The following SERPINB2 variants were observed in gnomAD, a reference collection of about 807,000 sequenced individuals.
SERPINB2 encodes serpin family B member 2.
Under a neutral mutation model 39.4 loss-of-function variants are expected in SERPINB2, and 28 were observed. The observed-to-expected ratio is 0.71, with a 90% CI of 0.53 to 0.97. The LOEUF (loss-of-function observed/expected upper bound fraction) is 0.97, where lower values mean the gene tolerates loss of function less well. Ranked by LOEUF, SERPINB2 falls within the 50% of genes least tolerant of loss-of-function variation. The probability of loss-of-function intolerance (pLI) is 0.00; values close to 1 mark genes in which losing one functional copy is unlikely to be tolerated. For synonymous variants in SERPINB2, 209 were observed against 175.1 expected, an observed-to-expected ratio of 1.19 and a Z score of -1.53; for missense variants, 557 against 505.3, an observed-to-expected ratio of 1.10 and a Z score of -0.98.
At position 63,901,729 on chromosome 18, in the gene SERPINB2, G is replaced by C; in HGVS notation, c.536-11G>C. 1.3e-6 allele frequency: 2 copies of C among 1,531,930 alleles called. No homozygotes were observed. The highest frequency in any genetic ancestry group is 1.7e-6 in the Non-Finnish European group (2 of 1,149,860). The allele number at this position is 1,531,930 out of a possible 1,614,324, so 94.9% of individuals were successfully genotyped here. A position where few individuals can be genotyped will look rare whatever the true frequency, so the allele number is the denominator to read the frequency against. Reference sequence around the variant, plus strand: ...ATTATGAAACCTAAATATATGTTATGTTTTCTGTAGGCAAAATCCCAAACT... The same window carrying C: ...ATTATGAAACCTAAATATATGTTATCTTTTCTGTAGGCAAAATCCCAAACT... On this transcript the variant is annotated splice_polypyrimidine_tract_variant and intron_variant, in intron 5 of 7. Coordinates refer to ENST00000299502, the MANE Select transcript of SERPINB2 (RefSeq NM_002575.3).
At chr18:63,891,295 T>G in intron 1 of SERPINB2, 141 bp from the exon 2 acceptor site, 1 of 846,986 alleles carries the variant, frequency 1.2e-6, no homozygotes, top group South Asian at 1.7e-5. Context: ...GTCCCTGACC[T>G]GCCTCATGTT....
intron 5 of SERPINB2, among the ~76,000 whole-genome samples, chr18:63,901,003 G>A (rs753279493): frequency 1.3e-5 from 2 of 152,040 alleles, no homozygotes; most frequent in Admixed American, 6.6e-5. Flanking sequence ...TTGATGCTTG[G>A]AATACTGCAG....
intron 3 of SERPINB2, 122 bp downstream of exon 3, chr18:63,895,505 C>A: frequency 1.6e-6 from 2 of 1,248,250 alleles, no homozygotes; most frequent in Non-Finnish European, 2.3e-6. Context: ...AGAAAGAAAA[C>A]TAAGACTCAG....
intron 1 of SERPINB2, among the ~76,000 whole-genome samples, 200 bp from the exon 2 acceptor site, chr18:63,891,236 C>T (rs2049923748): frequency 6.6e-6 from 1 of 152,066 alleles, no homozygotes; most frequent in Admixed American, 6.5e-5. Context: ...GGGCATTTGG[C>T]TAAACAAGGG....
intron 5 of SERPINB2, among the ~76,000 whole-genome samples, chr18:63,899,298 A>T (rs921173968): frequency 6.6e-6 from 1 of 152,048 alleles, no homozygotes; most frequent in Non-Finnish European, 1.5e-5. Context: ...GATTTTTGTT[A>T]GTTTGTTTTG....
chr18:63,903,504 G>A lies in SERPINB2; in HGVS notation c.*199G>A, dbSNP rs908883534. The A allele has an allele frequency of 2.4e-6, 1 of 409,786 alleles. No individual in the cohort carries two copies. The highest frequency in any genetic ancestry group is 4.1e-6 in the Non-Finnish European group (1 of 245,900). 25.4% of individuals were successfully genotyped at this position (409,786 alleles called of 1,614,324 possible). A position where few individuals can be genotyped will look rare whatever the true frequency, so the allele number is the denominator to read the frequency against. The stretch of plus-strand genomic sequence containing the variant: ...AACATGACAACCCTATTAATCATTT[G>A]GTCTTCTAAAATGGGATCATGCCCA... On this transcript the variant is annotated 3_prime_UTR_variant, in exon 8 of 8. Coordinates refer to ENST00000299502, the MANE Select transcript of SERPINB2 (RefSeq NM_002575.3).
intron 2 of SERPINB2, among the ~76,000 whole-genome samples, chr18:63,892,262 G>A (rs2049931572): frequency 6.6e-6 from 1 of 152,168 alleles, no homozygotes; most frequent in African/African-American, 2.4e-5. Context: ...CAAGGTAGAT[G>A]GGATGCACAA....
rs527773212 is a variant in SERPINB2 at position 63,892,420 on chromosome 18, A to G, written c.168+808A>G. On this transcript the variant is annotated intron_variant, in intron 2 of 7. Coordinates refer to ENST00000299502, the MANE Select transcript of SERPINB2 (RefSeq NM_002575.3). The stretch of plus-strand genomic sequence containing the variant: ...TATACACTGCAATCGTTACTGTAAT[A>G]GTCACTCAGCACATACAAAATTCTT... 2.0e-5 allele frequency among the ~76,000 whole-genome samples: 3 copies of G among 152,360 alleles called. No homozygotes were observed. In the South Asian group the frequency reaches 6.2e-4, roughly 32 times the overall value.
intron 1 of SERPINB2, among the ~76,000 whole-genome samples, chr18:63,889,007 T>C (rs2049909110): frequency 6.6e-6 from 1 of 152,230 alleles, no homozygotes; most frequent in Non-Finnish European, 1.5e-5. Context: ...CATAGATTTC[T>C]AAAATTATGA....
At chr18:63,890,409 C>T (rs544562246) in intron 1 of SERPINB2, 1 of 152,248 alleles carries the variant, frequency 6.6e-6, no homozygotes, top group Admixed American at 6.5e-5. Flanking sequence ...GAGGGATGAT[C>T]AGTATCAGCA....
At chr18:63,895,723 G>C (rs2049955395) in intron 3 of SERPINB2, among the ~76,000 whole-genome samples, 1 of 152,188 alleles carries the variant, frequency 6.6e-6, no homozygotes, top group Non-Finnish European at 1.5e-5. Context: ...TTCCAGAGGA[G>C]AGAGGGTAGG....
In SERPINB2 at chr18:63,891,474, CTT is replaced by C. The variant is rs1241347267; in HGVS notation, c.32_33del (p.Phe11CysfsTer50). The C allele has an allele frequency of 6.2e-7, 1 of 1,614,054 alleles. No homozygotes were observed. The highest frequency in any genetic ancestry group is 1.3e-5 in the African/African-American group (1 of 74,912). On this transcript the variant is annotated frameshift_variant, in exon 2 of 8. Coordinates refer to ENST00000299502, the MANE Select transcript of SERPINB2 (RefSeq NM_002575.3). LOFTEE classifies it high-confidence loss of function. ...AGGATCTTTGTGTGGCAAACACACT[CTT>C]TGCCCTCAATTTATTCAAGCATCTG... MEDLCVANTL[F>X]ALNLFKHLAK...
In SERPINB2 at chr18:63,903,648, T is replaced by C. The variant is rs1467782455; in HGVS notation, c.*343T>C. ...CTCACTGCCTATTTAATGTAGCTAA[T>C]AAAGTTATAGAAGCAGATGATCTGT... is the stretch of plus-strand genomic sequence containing the variant. On this transcript the variant is annotated 3_prime_UTR_variant, in exon 8 of 8. Transcript: ENST00000299502. 1 of 159,760 alleles carries C rather than the reference T, an allele frequency of 6.3e-6. No individual in the cohort carries two copies. Among genetic ancestry groups the C allele is most frequent in the African/African-American group, 2.4e-5 (1 of 41,762 alleles). The allele number at this position is 159,760 out of a possible 1,614,324, so 9.9% of individuals were successfully genotyped here.
At chr18:63,887,963 A>G (rs2049903478) in intron 1 of SERPINB2, among the ~76,000 whole-genome samples, 193 bp downstream of exon 1, 1 of 152,232 alleles carries the variant, frequency 6.6e-6, no homozygotes, top group African/African-American at 2.4e-5. Context: ...TAAATTTATA[A>G]GGTTTAATTT....
At chr18:63,901,559 C>T (rs918090929) in intron 5 of SERPINB2, among the ~76,000 whole-genome samples, 181 bp from the exon 6 acceptor site, 1 of 152,076 alleles carries the variant, frequency 6.6e-6, no homozygotes, top group African/African-American at 2.4e-5. Flanking sequence ...TTGGATTTTG[C>T]AAGCTTTTGG....
rs970292332 is a variant in SERPINB2 at position 63,903,484 on chromosome 18, G to A, written c.*179G>A. 4 of 486,950 alleles carry A rather than the reference G, an allele frequency of 8.2e-6. No individual in the cohort carries two copies. The highest frequency in any genetic ancestry group is 1.3e-5 in the Non-Finnish European group (4 of 302,294). 30.2% of individuals were successfully genotyped at this position (486,950 alleles called of 1,614,324 possible). ...ATTAGACAATTGTCTATTATAACAT[G>A]ACAACCCTATTAATCATTTGGTCTT... On this transcript the variant is annotated 3_prime_UTR_variant, in exon 8 of 8. Coordinates refer to ENST00000299502, the MANE Select transcript of SERPINB2 (RefSeq NM_002575.3).
At chr18:63,894,097 C>A (rs1028030551) in intron 2 of SERPINB2, among the ~76,000 whole-genome samples, 11 of 152,154 alleles carry the variant, frequency 7.2e-5, no homozygotes, top group African/African-American at 2.2e-4. Context: ...TTTGTGTGGA[C>A]TAGGGGCAGC....
At chr18:63,893,271 T>C (rs573339821) in intron 2 of SERPINB2, among the ~76,000 whole-genome samples, 1 of 152,316 alleles carries the variant, frequency 6.6e-6, no homozygotes, top group Non-Finnish European at 1.5e-5. Flanking sequence ...AGTAGCAATA[T>C]ATTTTGGGAG....
Position 63,903,174 on chromosome 18 carries a change from A to C in SERPINB2, c.1117A>C (p.Thr373Pro). 6.2e-7 allele frequency: 1 copy of C among 1,613,748 alleles called. No individual in the cohort carries two copies. Among genetic ancestry groups the C allele is most frequent in the Non-Finnish European group, 8.5e-7 (1 of 1,179,748 alleles). The change falls in exon 8 of 8, where the codon ACA becomes CCA. Residue 373 changes from threonine (T) to proline (P), a missense_variant. Coordinates refer to ENST00000299502, the MANE Select transcript of SERPINB2 (RefSeq NM_002575.3). The part of the protein sequence containing the change: ...NEEGTEAAAG[T>P]GGVMTGRTGH... ...GGAGGGCACTGAAGCAGCCGCTGGCACAGGAGGTGTTATGACAGGGAGAAC... is the reference window on the plus strand; with the variant it reads ...GGAGGGCACTGAAGCAGCCGCTGGCCCAGGAGGTGTTATGACAGGGAGAAC...
Sources: gnomAD v4.1 joint callset for allele counts (sites outside exome capture counted in the v4.1 genomes callset) on GRCh38, gnomAD v4.1.1 for gene constraint, MANE v1.5 for transcripts, NCBI Gene and HGNC (gene_info 2026-07-23, HGNC 2026-07-21) for gene names.